The following RXYLT1 variants were observed in gnomAD, a reference collection of about 807,000 sequenced individuals.
RXYLT1 encodes ribitol-5-phosphate xylosyltransferase 1.
A neutral mutation model predicts 43.5 loss-of-function variants in RXYLT1; 41 were observed. The ratio of observed to expected loss-of-function variants is 0.94; its 90% CI spans 0.73 to 1.22. The LOEUF (loss-of-function observed/expected upper bound fraction) is 1.22. Ranked by LOEUF, RXYLT1 falls within the 50% of genes most tolerant of loss-of-function variation. RXYLT1 has a pLI of 0.00. For synonymous variants in RXYLT1, 166 were observed against 194.4 expected (o/e 0.85, Z 1.21); for missense variants, 514 against 532.0 (o/e 0.97, Z 0.33).
chr12:63,789,588 A>C (rs555274043), intron 3 of RXYLT1, among the ~76,000 whole-genome samples: 1 of 152,302 alleles, frequency 6.6e-6, no homozygotes, highest in Admixed American at 6.5e-5. Flanking sequence ...ATTTGTAAAA[A>C]ACTCTTTATT....
chr12:63,802,321 G>C lies in RXYLT1; in HGVS notation c.659G>C (p.Gly220Ala), dbSNP rs1279151943. The C allele has an allele frequency of 1.2e-6, 2 of 1,612,776 alleles. No individual in the cohort carries two copies. The highest frequency in any genetic ancestry group is 1.1e-5 in the South Asian group (1 of 90,960). The change falls in exon 4 of 6, where the codon GGC (glycine) becomes GCC (alanine). Residue 220 changes from glycine (G) to alanine (A), a missense_variant. Gly to Ala is a moderately conservative substitution (Grantham distance 60). Coordinates refer to ENST00000261234, the MANE Select transcript of RXYLT1 (RefSeq NM_014254.3). ...WINPFLKRNG[G>A]FVELLFIIYD... ...AACCCATTCCTCAAAAGAAATGGAG[G>C]CTTCGTGGAGCTGCTTTTCATAATA...
intron 4 of RXYLT1, among the ~76,000 whole-genome samples, chr12:63,802,964 T>A: frequency 6.7e-6 from 1 of 149,472 alleles, no homozygotes; most frequent in East Asian, 2.0e-4. Flanking sequence ...AGTCCAGGAG[T>A]TCAAGAGCAT....
chr12:63,786,472 C>T (rs899411819), intron 3 of RXYLT1, among the ~76,000 whole-genome samples: 1 of 151,796 alleles, frequency 6.6e-6, no homozygotes, highest in African/African-American at 2.4e-5. Context: ...TATGTTTACA[C>T]TGTACTACAG....
At chr12:63,804,123 G>A (rs1309394644) in intron 4 of RXYLT1, 1 of 152,216 alleles carries the variant, frequency 6.6e-6, no homozygotes, top group Non-Finnish European at 1.5e-5. Context: ...ACAGTGCTGA[G>A]ATTATAGGCA....
chr12:63,792,471 A>G (rs1897938296), intron 3 of RXYLT1, among the ~76,000 whole-genome samples: 1 of 152,200 alleles, frequency 6.6e-6, no homozygotes, highest in Non-Finnish European at 1.5e-5. Flanking sequence ...ATTAATGAGC[A>G]TTCAGGCTGC....
Position 63,780,035 on chromosome 12 carries a change from C to A in RXYLT1, c.75C>A (p.Tyr25Ter). 6.2e-7 allele frequency: 1 copy of A among 1,608,866 alleles called. No homozygotes were observed. Among genetic ancestry groups the A allele is most frequent in the Non-Finnish European group, 8.5e-7 (1 of 1,178,464 alleles). The part of the protein sequence containing the change: ...LYCLFSLYAA[Y>*]HVFFGRRRQA... ...GCCTATTCTCCCTCTACGCTGCCTA[C>A]CACGTCTTCTTCGGGCGCCGCCGCC... is the stretch of plus-strand genomic sequence containing the variant. Residue 25 changes from tyrosine to a stop codon, truncating the protein, a stop_gained, in exon 1 of 6, where the codon TAC (tyrosine) becomes TAA (stop). Coordinates refer to ENST00000261234, the MANE Select transcript of RXYLT1 (RefSeq NM_014254.3). LOFTEE classifies it high-confidence loss of function.
chr12:63,788,802 A>T (rs376684522), intron 3 of RXYLT1, among the ~76,000 whole-genome samples: 2 of 151,764 alleles, frequency 1.3e-5, no homozygotes, highest in East Asian at 1.9e-4. Context: ...ATTTCCTTCA[A>T]GAACTTTTCC....
At chr12:63,780,216 C>G in intron 1 of RXYLT1, 87 bp downstream of exon 1, 1 of 1,392,114 alleles carries the variant, frequency 7.2e-7, no homozygotes, top group Non-Finnish European at 9.2e-7. Context: ...GCACCCGGCT[C>G]TCAAGTCCGG....
At chr12:63,780,241 C>G in intron 1 of RXYLT1, 112 bp downstream of exon 1, 11 of 1,385,332 alleles carry the variant, frequency 7.9e-6, no homozygotes, top group Non-Finnish European at 1.0e-5. Context: ...ACCCGCAGGG[C>G]CTGAGAAGCG....
chr12:63,783,059 G>T (rs1319778648), intron 2 of RXYLT1, among the ~76,000 whole-genome samples: 1 of 152,114 alleles, frequency 6.6e-6, no homozygotes, highest in African/African-American at 2.4e-5. Context: ...TGTAACTGCA[G>T]GATACAATCC....
At position 63,805,217 on chromosome 12, in the gene RXYLT1, T is replaced by A; in HGVS notation, c.744-17T>A. On this transcript the variant is annotated splice_polypyrimidine_tract_variant and intron_variant, in intron 4 of 5. Coordinates refer to ENST00000261234, the MANE Select transcript of RXYLT1 (RefSeq NM_014254.3). Reference sequence around the variant, plus strand: ...ATTCTATATCATATGTTAATTCATGTGTATTTATTTTTATAGATACAGGAA... The same window carrying A: ...ATTCTATATCATATGTTAATTCATGAGTATTTATTTTTATAGATACAGGAA... 6.3e-7 allele frequency: 1 copy of A among 1,580,360 alleles called. No homozygotes were observed. Among genetic ancestry groups the A allele is most frequent in the Non-Finnish European group, 8.6e-7 (1 of 1,166,928 alleles).
chr12:63,784,949 G>A (rs766070044), intron 2 of RXYLT1, 21 bp from the exon 3 acceptor site: 3 of 1,603,554 alleles, frequency 1.9e-6, no homozygotes, highest in African/African-American at 2.7e-5. Context: ...TTTTGATTTT[G>A]TTTTTGTTGT....
chr12:63,805,466 A>G (rs1898269572), intron 5 of RXYLT1, 62 bp downstream of exon 5: 1 of 1,474,468 alleles, frequency 6.8e-7, no homozygotes, highest in Non-Finnish European at 9.1e-7. Context: ...TGCTTTATGT[A>G]GAAACACAGG....
chr12:63,780,710 A>C (rs755038235), intron 1 of RXYLT1, among the ~76,000 whole-genome samples: 4 of 152,214 alleles, frequency 2.6e-5, no homozygotes, highest in Non-Finnish European at 5.9e-5. Flanking sequence ...AATAATTGCA[A>C]AAGTTAAGCT....
intron 3 of RXYLT1, among the ~76,000 whole-genome samples, chr12:63,789,481 G>A (rs1049574094): frequency 6.6e-6 from 1 of 152,138 alleles, no homozygotes; most frequent in African/African-American, 2.4e-5. Flanking sequence ...TTTGGGTGGG[G>A]ACACAGCCAA....
intron 1 of RXYLT1, 127 bp downstream of exon 1, chr12:63,780,256 G>A (rs944791614): frequency 3.6e-6 from 5 of 1,371,202 alleles, no homozygotes; most frequent in Admixed American, 3.8e-5. Context: ...GAAGCGCTTT[G>A]CCCCCTACAG....
chr12:63,780,235 G>T, intron 1 of RXYLT1, 106 bp downstream of exon 1: 1 of 1,386,860 alleles, frequency 7.2e-7, no homozygotes, highest in Non-Finnish European at 9.2e-7. Context: ...GGGATTACCC[G>T]CAGGGCCTGA....
At chr12:63,795,972 T>C (rs1898022714) in intron 3 of RXYLT1, among the ~76,000 whole-genome samples, 1 of 152,204 alleles carries the variant, frequency 6.6e-6, no homozygotes, top group African/African-American at 2.4e-5. Context: ...CTTACATAAT[T>C]ACCGTATAAT....
At position 63,780,094 on chromosome 12, in the gene RXYLT1, AG is replaced by A. The variant is rs397514696; in HGVS notation, c.139del (p.Ala47ArgfsTer42). On this transcript the variant is annotated frameshift_variant, in exon 1 of 6. Transcript: ENST00000261234. LOFTEE classifies it high-confidence loss of function. ...APAGSPRGLR[K>X]GAAPARERRG... Reference sequence around the variant, plus strand: ...GCCGGGTCCCCGCGGGGCCTCAGGAAGGGGGCGGCCCCCGCGCGGGAGAGAC... The same window carrying A: ...GCCGGGTCCCCGCGGGGCCTCAGGAAGGGGCGGCCCCCGCGCGGGAGAGAC... 9.6e-6 allele frequency: 15 copies of A among 1,568,108 alleles called. No individual in the cohort carries two copies. The highest frequency in any genetic ancestry group is 5.7e-5 in the South Asian group (5 of 87,834).
Sources: gnomAD v4.1 joint callset for allele counts (sites outside exome capture counted in the v4.1 genomes callset) on GRCh38, gnomAD v4.1.1 for gene constraint, MANE v1.5 for transcripts, NCBI Gene and HGNC (gene_info 2026-07-23, HGNC 2026-07-21) for gene names.